The following CCDC73 variants were observed in gnomAD, a reference collection of about 807,000 sequenced individuals.
The protein encoded by CCDC73 is coiled-coil domain containing 73.
A neutral mutation model predicts 116.5 loss-of-function variants in CCDC73; 95 were observed. The ratio of observed to expected loss-of-function variants is 0.82; its 90% CI spans 0.69 to 0.97. The LOEUF is 0.97. CCDC73 is among the 50% of genes least tolerant of loss of function. The pLI is 0.00. For missense variants in CCDC73, 1,066 were observed against 1,206.8 expected, an observed-to-expected ratio of 0.88 and a Z score of 1.73; for synonymous variants, 398 against 401.3, an observed-to-expected ratio of 0.99 and a Z score of 0.10.
chr11:32,775,627 G>A (rs1043088186), intron 1 of CCDC73, among the ~76,000 whole-genome samples: 4 of 152,082 alleles, frequency 2.6e-5, no homozygotes, highest in African/African-American at 9.7e-5. Context: ...ATAAATATTA[G>A]TTGAATATTA....
At chr11:32,773,384 A>G (rs1300325451) in intron 1 of CCDC73, among the ~76,000 whole-genome samples, 2 of 152,164 alleles carry the variant, frequency 1.3e-5, no homozygotes, top group Non-Finnish European at 2.9e-5. Context: ...CTGTGAATAT[A>G]CCAAAAATTA....
chr11:32,762,316 T>A (rs1850399412), intron 1 of CCDC73, among the ~76,000 whole-genome samples: 1 of 152,160 alleles, frequency 6.6e-6, no homozygotes, highest in African/African-American at 2.4e-5. Context: ...GGAATCAAAT[T>A]CTAAATTCTG....
chr11:32,786,289 T>C (rs1850625580), intron 1 of CCDC73, among the ~76,000 whole-genome samples: 1 of 149,684 alleles, frequency 6.7e-6, no homozygotes, highest in East Asian at 1.9e-4. Flanking sequence ...CTTTTGTAAG[T>C]AGTTCATTTA....
intron 14 of CCDC73, among the ~76,000 whole-genome samples, chr11:32,623,546 G>A (rs1314286779): frequency 1.3e-5 from 2 of 152,096 alleles, no homozygotes; most frequent in African/African-American, 4.8e-5. Flanking sequence ...AGAGACAAGG[G>A]TCTCACTATG....
chr11:32,718,990 C>G (rs2133333131), intron 2 of CCDC73, among the ~76,000 whole-genome samples: 1 of 152,238 alleles, frequency 6.6e-6, no homozygotes, highest in South Asian at 2.1e-4. Flanking sequence ...CCTTCTTCCC[C>G]TATCTTCCAC....
At chr11:32,694,029 A>G (rs1723158003) in intron 6 of CCDC73, among the ~76,000 whole-genome samples, 1 of 152,246 alleles carries the variant, frequency 6.6e-6, no homozygotes, top group South Asian at 2.1e-4. Flanking sequence ...CTCTTTCACC[A>G]TTCCTATTCA....
intron 13 of CCDC73, among the ~76,000 whole-genome samples, chr11:32,640,814 G>A (rs147394219): frequency 0.01 from 1,535 of 152,104 alleles, 26 homozygotes; most frequent in African/African-American, 0.034. Flanking sequence ...TCAGAAGATC[G>A]AGACCATCCT....
At chr11:32,661,844 CCCA>C (rs1278075794) in intron 9 of CCDC73, among the ~76,000 whole-genome samples, 2 of 151,930 alleles carry the variant, frequency 1.3e-5, no homozygotes, top group Non-Finnish European at 2.9e-5. Context: ...CTCCCCCGAC[CCCA>C]CAACAGTCCC....
chr11:32,728,262 A>G (rs1230911035), intron 2 of CCDC73, among the ~76,000 whole-genome samples: 3 of 152,146 alleles, frequency 2.0e-5, no homozygotes, highest in Non-Finnish European at 2.9e-5. Context: ...AAAAAATAAT[A>G]CTAAATAAAT....
intron 2 of CCDC73, among the ~76,000 whole-genome samples, chr11:32,736,281 C>T (rs1674183739): frequency 6.6e-6 from 1 of 152,026 alleles, no homozygotes; most frequent in African/African-American, 2.4e-5. Flanking sequence ...GGCTAATATC[C>T]AGAATCTACA....
chr11:32,804,011 T>C, the CCDC73 span, among the ~76,000 whole-genome samples: 5 of 152,182 alleles, frequency 3.3e-5, no homozygotes, highest in South Asian at 8.3e-4. Context: ...GGTTTCACCA[T>C]GTTGACCAGG....
At chr11:32,797,612 G>A (rs578131683), upstream of CCDC73, among the ~76,000 whole-genome samples, 3 of 152,154 alleles carry the variant, frequency 2.0e-5, no homozygotes, top group African/African-American at 7.2e-5. Context: ...TTTATCATAG[G>A]CCCTTGCAAT....
chr11:32,646,158 T>C (rs1855777259), intron 12 of CCDC73, among the ~76,000 whole-genome samples: 1 of 152,194 alleles, frequency 6.6e-6, no homozygotes, highest in Non-Finnish European at 1.5e-5. Context: ...ACCCAATAAC[T>C]CTATCTAAAG....
At position 32,611,098 on chromosome 11, in the gene CCDC73, A is replaced by G. The variant is rs372336941; in HGVS notation, c.3030+34T>C. On this transcript the variant is annotated intron_variant, in intron 17 of 17. Coordinates refer to ENST00000335185, the MANE Select transcript of CCDC73 (RefSeq NM_001008391.4). ...CACATATCTGTAGAATTAGCTCACT[A>G]AGGTCTGCTCGGCAATATTTTTAAT... The G allele has an allele frequency of 3.7e-6, 6 of 1,609,238 alleles. No homozygotes were observed. The African/African-American group carries it at 8.0e-5, about 22-fold the overall frequency.
chr11:32,807,824 T>C, the CCDC73 span, among the ~76,000 whole-genome samples: 19 of 152,296 alleles, frequency 1.2e-4, no homozygotes, highest in African/African-American at 4.6e-4. Flanking sequence ...GATGTGGCTG[T>C]ATTACAATAA....
At chr11:32,745,735 GTTTGT>G (rs1850230677) in intron 2 of CCDC73, among the ~76,000 whole-genome samples, 1 of 109,686 alleles carries the variant, frequency 9.1e-6, no homozygotes, top group Non-Finnish European at 1.8e-5. Context: ...TTGTTTGTTT[GTTTGT>G]TTTGGTTTTT....
At chr11:32,666,581 T>C (rs1565070924) in intron 9 of CCDC73, among the ~76,000 whole-genome samples, 1 of 152,220 alleles carries the variant, frequency 6.6e-6, no homozygotes, top group South Asian at 2.1e-4. Flanking sequence ...TCAAGGTTTT[T>C]AGCTTCTTTG....
At chr11:32,697,116 T>C (rs1856318327) in intron 6 of CCDC73, among the ~76,000 whole-genome samples, 3 of 152,132 alleles carry the variant, frequency 2.0e-5, no homozygotes, top group South Asian at 2.1e-4. Flanking sequence ...ACTACAAGCG[T>C]GAGCCACCAC....
chr11:32,787,835 C>A (rs1169874040), intron 1 of CCDC73, among the ~76,000 whole-genome samples: 1 of 152,152 alleles, frequency 6.6e-6, no homozygotes, highest in Non-Finnish European at 1.5e-5. Flanking sequence ...ATTATATGAT[C>A]TGGGATTGCT....
Sources: allele counts gnomAD v4.1 joint callset (sites outside exome capture counted in the v4.1 genomes callset), GRCh38; gene constraint gnomAD v4.1.1; transcripts MANE v1.5; gene names NCBI Gene and HGNC (gene_info 2026-07-23, HGNC 2026-07-21).